XKR4: variants seen among roughly 807,000 people sequenced by gnomAD.
XKR4 encodes the protein XK related 4.
XKR4 carries 12 observed loss-of-function variants against 53.9 expected under a neutral mutation model. The observed-to-expected ratio is 0.22, with a 90% CI of 0.14 to 0.36. The LOEUF is 0.36. Among genes scored for constraint, XKR4 ranks in the 10% least tolerant of loss-of-function variants. The probability of loss-of-function intolerance (pLI) is 1.00; values close to 1 mark genes in which losing one functional copy is unlikely to be tolerated. For missense variants in XKR4, 799 were observed against 859.5 expected, an observed-to-expected ratio of 0.93 and a Z score of 0.88; for synonymous variants, 354 against 362.4, an observed-to-expected ratio of 0.98 and a Z score of 0.26.
At position 55,215,186 on chromosome 8, in the gene XKR4, C is replaced by T. The variant is rs76794975; in HGVS notation, c.806+111892C>T. Among the ~76,000 whole-genome samples the T allele has an allele frequency of 8.7e-3, 1,321 of 152,238 alleles. 14 individuals carry two copies. The highest frequency in any genetic ancestry group is 0.031 in the Middle Eastern group (9 of 294). ...GATAGATCATAACTCGTCATTCATC[C>T]CCTGTGACATTAGGGGGAACCCTGT... On this transcript the variant is annotated intron_variant, in intron 1 of 2. Coordinates refer to ENST00000327381, the MANE Select transcript of XKR4 (RefSeq NM_052898.2).
intron 1 of XKR4, among the ~76,000 whole-genome samples, chr8:55,157,928 G>A (rs1816931696): frequency 1.3e-5 from 2 of 152,254 alleles, no homozygotes; most frequent in South Asian, 4.2e-4. Context: ...CACTGTTGAT[G>A]GGCATTGATT....
At chr8:55,440,227 CAT>C (rs1458997746) in intron 2 of XKR4, among the ~76,000 whole-genome samples, 1 of 151,846 alleles carries the variant, frequency 6.6e-6, no homozygotes, top group Non-Finnish European at 1.5e-5. Flanking sequence ...ACTAAAGAAA[CAT>C]AAAATATGTT....
rs199858834 is a variant in XKR4 at position 55,490,046 on chromosome 8, CCA to C, written c.1007-33234_1007-33233del. On this transcript the variant is annotated intron_variant, in intron 2 of 2. Coordinates refer to ENST00000327381, the MANE Select transcript of XKR4 (RefSeq NM_052898.2). The stretch of plus-strand genomic sequence containing the variant: ...TTACATAAATTGAAAGTTTGGAGAT[CCA>C]TTTTATATTTACCTAATCTTTACCA... Among the ~76,000 whole-genome samples, 903 of 152,232 alleles carry C rather than the reference CCA, an allele frequency of 5.9e-3. 10 individuals are homozygous for C. The highest frequency in any genetic ancestry group is 0.02 in the African/African-American group (842 of 41,552).
intron 1 of XKR4, among the ~76,000 whole-genome samples, chr8:55,351,596 T>A (rs1418637049): frequency 6.6e-6 from 1 of 152,252 alleles, no homozygotes; most frequent in Non-Finnish European, 1.5e-5. Flanking sequence ...TTAAACCTTC[T>A]GTTAGAATTG....
intron 2 of XKR4, chr8:55,452,595 G>A (rs1805471220): frequency 1.0e-6 from 1 of 988,966 alleles, no homozygotes; most frequent in Non-Finnish European, 1.6e-6. Flanking sequence ...CGCCTCCAGG[G>A]TCTTAATGTT....
intron 1 of XKR4, among the ~76,000 whole-genome samples, chr8:55,196,175 C>CT (rs1032613430): frequency 0.2 from 24,990 of 125,870 alleles, 3,040 homozygotes; most frequent in Middle Eastern, 0.31. Context: ...GTTGTGCTTC[C>CT]TTTTTTTTTT....
At chr8:55,251,774 A>G (rs1047988637) in intron 1 of XKR4, among the ~76,000 whole-genome samples, 5 of 152,206 alleles carry the variant, frequency 3.3e-5, no homozygotes, top group African/African-American at 1.2e-4. Flanking sequence ...GATAGCATTC[A>G]TTTTGCTTTA....
chr8:55,282,123 A>G (rs940349726), intron 1 of XKR4, among the ~76,000 whole-genome samples: 3 of 152,190 alleles, frequency 2.0e-5, no homozygotes, highest in Admixed American at 6.5e-5. Context: ...TAGTTCTTCA[A>G]TAGAGCAGGG....
intron 1 of XKR4, among the ~76,000 whole-genome samples, chr8:55,169,196 T>A (rs187911650): frequency 6.6e-6 from 1 of 152,370 alleles, no homozygotes; most frequent in Admixed American, 6.5e-5. Context: ...AGTGTCTTCA[T>A]ATGTAGTTTG....
chr8:55,169,569 T>A (rs1346120916), intron 1 of XKR4, among the ~76,000 whole-genome samples: 1 of 152,212 alleles, frequency 6.6e-6, no homozygotes, highest in East Asian at 1.9e-4. Context: ...GGGTACCAGG[T>A]TGGCCCTTCC....
rs900053466 is a variant in XKR4 at position 55,366,411 on chromosome 8, C to T, written c.1006+8534C>T. On this transcript the variant is annotated intron_variant, in intron 2 of 2. Transcript: ENST00000327381. The stretch of plus-strand genomic sequence containing the variant: ...GGCTATGGTATGAGACAAAAGCAGG[C>T]GCTCTAGATCATGGAGGTTGTGTCA... 2.6e-5 allele frequency among the ~76,000 whole-genome samples: 4 copies of T among 152,310 alleles called. No individual in the cohort carries two copies. The East Asian group carries it at 5.8e-4, about 22-fold the overall frequency.
Position 55,523,950 on chromosome 8 carries a change from G to A in XKR4, c.1676G>A (p.Arg559His), listed in dbSNP as rs137920953. 3.1e-6 allele frequency: 5 copies of A among 1,614,040 alleles called. No individual in the cohort carries two copies. The African/African-American group carries it at 4.0e-5, about 13-fold the overall frequency. The change falls in exon 3 of 3, where the codon CGC (arginine) becomes CAC (histidine). Residue 559 changes from arginine (R) to histidine (H), a missense_variant. This residue lies in a region of XKR4 where 269 missense variants were observed against 264.4 expected (regional missense o/e 1.02). Coordinates refer to ENST00000327381, the MANE Select transcript of XKR4 (RefSeq NM_052898.2). ...ISNNRSVVSD[R>H]DQKFAERDGC... ...AACAACCGCAGTGTTGTCAGCGACCGCGATCAGAAATTCGCAGAGCGGGAT... is the reference window on the plus strand; with the variant it reads ...AACAACCGCAGTGTTGTCAGCGACCACGATCAGAAATTCGCAGAGCGGGAT...
chr8:55,473,185 A>G lies in XKR4; in HGVS notation c.1007-50096A>G, dbSNP rs188242065. Among the ~76,000 whole-genome samples the G allele has an allele frequency of 3.4e-4, 52 of 152,202 alleles. 1 individual carries two copies. The East Asian group carries it at 9.6e-3, about 28-fold the overall frequency. Reference sequence around the variant, plus strand: ...ATATAGCTTCAGCTTTAAAGCTGGGACCTTCTCTGCAAAAAATACCTTCTG... The same window carrying G: ...ATATAGCTTCAGCTTTAAAGCTGGGGCCTTCTCTGCAAAAAATACCTTCTG... On this transcript the variant is annotated intron_variant, in intron 2 of 2. Coordinates refer to ENST00000327381, the MANE Select transcript of XKR4 (RefSeq NM_052898.2).
At chr8:55,485,931 ATTTTAATT>A (rs1199624682) in intron 2 of XKR4, among the ~76,000 whole-genome samples, 4 of 152,238 alleles carry the variant, frequency 2.6e-5, no homozygotes, top group Non-Finnish European at 4.4e-5. Context: ...GGAAAATGTA[ATTTTAATT>A]TTGTTCTTAA....
chr8:55,102,431 G>A lies in XKR4; in HGVS notation c.-58G>A. On this transcript the variant is annotated 5_prime_UTR_variant, in exon 1 of 3. Transcript: ENST00000327381. The surrounding 1 kb of genome is among the most constrained non-coding windows in gnomAD (Gnocchi z 5.1). ...GCGAGGCGAGGAGGTGGCGGGAGGA[G>A]GAGACAGCGGGGAAAGGTGTCAGAT... 1.3e-6 allele frequency: 2 copies of A among 1,497,794 alleles called. No homozygotes were observed. The highest frequency in any genetic ancestry group is 1.4e-5 in the African/African-American group (1 of 69,068). 92.8% of individuals were successfully genotyped at this position (1,497,794 alleles called of 1,614,324 possible).
At chr8:55,467,033 CTG>C (rs1805785263) in intron 2 of XKR4, among the ~76,000 whole-genome samples, 1 of 152,112 alleles carries the variant, frequency 6.6e-6, no homozygotes, top group African/African-American at 2.4e-5. Context: ...GTTTTCCACT[CTG>C]TGTCTCACAA....
At chr8:55,104,633 C>G (rs951748240) in intron 1 of XKR4, among the ~76,000 whole-genome samples, 1 of 152,022 alleles carries the variant, frequency 6.6e-6, no homozygotes, top group Non-Finnish European at 1.5e-5. Flanking sequence ...CTTTGTAAAG[C>G]AGACTGAACA....
At chr8:55,314,561 G>A (rs1819436703) in intron 1 of XKR4, among the ~76,000 whole-genome samples, 1 of 152,292 alleles carries the variant, frequency 6.6e-6, no homozygotes, top group Non-Finnish European at 1.5e-5. Context: ...AAAGACTCCT[G>A]GAGGACTGGC....
chr8:55,452,970 A>G (rs1484113970), intron 2 of XKR4: 3 of 727,980 alleles, frequency 4.1e-6, no homozygotes, highest in Admixed American at 3.6e-5. Context: ...CTCACCGCTC[A>G]GGGATGGCCA....
Sources: gnomAD v4.1 joint callset for allele counts (sites outside exome capture counted in the v4.1 genomes callset) on GRCh38, gnomAD v4.1.1 for gene constraint, gnomAD v4.1.1 regional missense constraint, Gnocchi (gnomAD v3.1) non-coding constraint, MANE v1.5 for transcripts, NCBI Gene and HGNC (gene_info 2026-07-23, HGNC 2026-07-21) for gene names.